Variants in EIF4H observed in about 807,000 individuals in gnomAD.
EIF4H encodes Williams-Beuren syndrome chromosome region 1.
EIF4H carries 8 observed loss-of-function variants against 30.6 expected under a neutral mutation model. The observed-to-expected ratio is 0.26, with a 90% CI of 0.15 to 0.47. The LOEUF (loss-of-function observed/expected upper bound fraction) is 0.47. Among genes scored for constraint, EIF4H ranks in the 20% least tolerant of loss-of-function variants. EIF4H has a pLI of 0.99. For synonymous variants in EIF4H, 106 were observed against 122.7 expected (o/e 0.86, Z 0.90); for missense variants, 188 against 339.5 (o/e 0.55, Z 3.51).
At chr7:74,180,210 C>CA (rs1353353093) in intron 1 of EIF4H, among the ~76,000 whole-genome samples, 18 of 152,070 alleles carry the variant, frequency 1.2e-4, no homozygotes, top group African/African-American at 4.3e-4. Context: ...ACAAAAAACC[C>CA]AAATACTGTT....
intron 1 of EIF4H, among the ~76,000 whole-genome samples, chr7:74,178,233 T>C (rs1373849289): frequency 6.6e-6 from 1 of 152,134 alleles, no homozygotes; most frequent in Non-Finnish European, 1.5e-5. Flanking sequence ...GTACCCAGCC[T>C]TCAATTTATG....
At position 74,190,393 on chromosome 7, in the gene EIF4H, G is replaced by T. The variant is rs539716906; in HGVS notation, c.469+87G>T. 9 of 1,342,052 alleles carry T rather than the reference G, an allele frequency of 6.7e-6. No homozygotes were observed. In the East Asian group the frequency reaches 1.6e-4, roughly 24 times the overall value. 83.1% of individuals were successfully genotyped at this position (1,342,052 alleles called of 1,614,324 possible). ...TTCTTACGAGTAGCCCGCCTGGCCG[G>T]ACTACTTATTTAGTTCCTTTAACAA... On this transcript the variant is annotated intron_variant, in intron 5 of 6. Coordinates refer to ENST00000265753, the MANE Select transcript of EIF4H (RefSeq NM_022170.2).
intron 1 of EIF4H, among the ~76,000 whole-genome samples, chr7:74,179,103 G>T (rs541584286): frequency 6.6e-6 from 1 of 152,250 alleles, no homozygotes; most frequent in South Asian, 2.1e-4. Context: ...AACACAGCTG[G>T]ATTCTCATAC....
intron 1 of EIF4H, among the ~76,000 whole-genome samples, chr7:74,177,508 C>T (rs1248908315): frequency 2.6e-5 from 4 of 152,030 alleles, no homozygotes; most frequent in Admixed American, 6.6e-5. Flanking sequence ...CCCTATTGCC[C>T]TCCTTCCCCC....
intron 1 of EIF4H, among the ~76,000 whole-genome samples, chr7:74,183,262 C>T (rs1446066864): frequency 1.3e-5 from 2 of 152,120 alleles, no homozygotes; most frequent in African/African-American, 2.4e-5. Context: ...GGACACTGCT[C>T]AGTAGTGGCA....
chr7:74,195,124 G>A (rs1801314363), intron 6 of EIF4H, 45 bp from the exon 7 acceptor site: 1 of 1,600,962 alleles, frequency 6.2e-7, no homozygotes, highest in Non-Finnish European at 8.5e-7. Flanking sequence ...TGCTGGATAT[G>A]GAATGGGATC....
intron 1 of EIF4H, among the ~76,000 whole-genome samples, chr7:74,181,592 T>C (rs1421818186): frequency 6.7e-6 from 1 of 149,776 alleles, no homozygotes; most frequent in Non-Finnish European, 1.5e-5. Flanking sequence ...CCACCACACC[T>C]GGCAAATTTT....
intron 5 of EIF4H, among the ~76,000 whole-genome samples, chr7:74,191,843 G>A (rs1313566061): frequency 6.6e-6 from 1 of 151,844 alleles, no homozygotes; most frequent in Non-Finnish European, 1.5e-5. Flanking sequence ...GCAGTGGTGC[G>A]ATCTCGGCTC....
At chr7:74,180,582 T>C (rs1800937787) in intron 1 of EIF4H, among the ~76,000 whole-genome samples, 2 of 152,212 alleles carry the variant, frequency 1.3e-5, no homozygotes, top group African/African-American at 4.8e-5. Flanking sequence ...GAGATCAGTA[T>C]AGGTCTTTGC....
intron 5 of EIF4H, among the ~76,000 whole-genome samples, chr7:74,190,739 A>G (rs1290459347): frequency 6.6e-6 from 1 of 152,130 alleles, no homozygotes; most frequent in Non-Finnish European, 1.5e-5. Flanking sequence ...GGGGAGGTCC[A>G]GTCCCTTGAT....
chr7:74,180,911 G>GA (rs1800944768), intron 1 of EIF4H, among the ~76,000 whole-genome samples: 1 of 152,102 alleles, frequency 6.6e-6, no homozygotes, highest in Non-Finnish European at 1.5e-5. Flanking sequence ...CTAAATAATT[G>GA]TTTTTTTAAT....
At chr7:74,185,397 C>T (rs1052753492) in intron 1 of EIF4H, among the ~76,000 whole-genome samples, 4 of 152,114 alleles carry the variant, frequency 2.6e-5, no homozygotes, top group East Asian at 1.9e-4. Flanking sequence ...GTACTATTGG[C>T]AAAGGTTATT....
chr7:74,178,844 C>A (rs547759700), intron 1 of EIF4H, among the ~76,000 whole-genome samples: 1 of 152,164 alleles, frequency 6.6e-6, no homozygotes, highest in African/African-American at 2.4e-5. Context: ...GAATGTTCTT[C>A]GAAGTTTCCC....
At chr7:74,184,627 CAT>C (rs3830671) in intron 1 of EIF4H, among the ~76,000 whole-genome samples, 43,644 of 151,808 alleles carry the variant, frequency 0.29, 6,377 homozygotes, top group Admixed American at 0.3. Context: ...TGGTTTTCCA[CAT>C]GTTTATACTG....
At chr7:74,176,567 C>A (rs1800845660) in intron 1 of EIF4H, among the ~76,000 whole-genome samples, 1 of 152,218 alleles carries the variant, frequency 6.6e-6, no homozygotes, top group Non-Finnish European at 1.5e-5. Context: ...GCTCGTACAT[C>A]TCACCTCTGA....
intron 5 of EIF4H, among the ~76,000 whole-genome samples, chr7:74,191,665 A>G (rs1801216298): frequency 6.6e-6 from 1 of 152,204 alleles, no homozygotes; most frequent in Non-Finnish European, 1.5e-5. Flanking sequence ...GAAAAGTACC[A>G]AGAAAGCAAA....
chr7:74,179,899 T>G (rs1800920541), intron 1 of EIF4H, among the ~76,000 whole-genome samples: 1 of 152,174 alleles, frequency 6.6e-6, no homozygotes. Flanking sequence ...CTTGAAAGCT[T>G]AAATTTTACC....
At chr7:74,180,671 A>T (rs1563948454) in intron 1 of EIF4H, among the ~76,000 whole-genome samples, 1 of 152,208 alleles carries the variant, frequency 6.6e-6, no homozygotes, top group Non-Finnish European at 1.5e-5. Flanking sequence ...ATGAAGAAGA[A>T]GGTGATAGTG....
At chr7:74,182,104 T>A (rs1800975596) in intron 1 of EIF4H, among the ~76,000 whole-genome samples, 1 of 152,196 alleles carries the variant, frequency 6.6e-6, no homozygotes, top group Admixed American at 6.5e-5. Flanking sequence ...TACCCAGTGT[T>A]CAGTTTTTCC....
Sources: gnomAD v4.1 joint callset for allele counts (sites outside exome capture counted in the v4.1 genomes callset) on GRCh38, gnomAD v4.1.1 for gene constraint, MANE v1.5 for transcripts, NCBI Gene and HGNC (gene_info 2026-07-23, HGNC 2026-07-21) for gene names.